Variants in MYH13 observed in about 807,000 individuals in gnomAD.
MYH13 encodes the protein myosin-13.
A neutral mutation model predicts 232.1 loss-of-function variants in MYH13; 177 were observed. The ratio of observed to expected loss-of-function variants is 0.76; its 90% confidence interval spans 0.67 to 0.86. The LOEUF (loss-of-function observed/expected upper bound fraction) is 0.86, where lower values mean the gene tolerates loss of function less well. Among genes scored for constraint, MYH13 ranks in the 40% least tolerant of loss-of-function variants. MYH13 has a pLI of 0.00. For synonymous variants in MYH13, 884 were observed against 923.5 expected (o/e 0.96, Z 0.78); for missense variants, 2,246 against 2,405.9 (o/e 0.93, Z 1.39).
chr17:10,303,452 G>A lies in MYH13; in HGVS notation c.5513C>T (p.Ala1838Val), dbSNP rs770281302. 1.7e-5 allele frequency: 28 copies of A among 1,613,850 alleles called. No individual in the cohort carries two copies. Among genetic ancestry groups the A allele is most frequent in the Non-Finnish European group, 2.2e-5 (26 of 1,179,900 alleles). Residue 1838 changes from alanine to valine, a missense_variant, in exon 38 of 41, where the codon GCT (alanine) becomes GTT (valine). Transcript: ENST00000252172. ...NELDVEQKRG[A>V]EALKGAHKYE... ...CTTGTGGGCTCCCTTCAGGGCTTCA[G>A]CTCCCCTCTTCTGTTCCACATCAAG...
At chr17:10,361,875 C>T (rs917530058) in intron 5 of MYH13, among the ~76,000 whole-genome samples, 3 of 152,196 alleles carry the variant, frequency 2.0e-5, no homozygotes, top group Non-Finnish European at 4.4e-5. Context: ...AGGGCATCTC[C>T]TTGTGTTCCA....
At chr17:10,309,012 G>C (rs1324835856) in intron 35 of MYH13, among the ~76,000 whole-genome samples, 2 of 152,266 alleles carry the variant, frequency 1.3e-5, no homozygotes, top group Non-Finnish European at 2.9e-5. Context: ...GATGTTTAAT[G>C]TTTGGATGAG....
Position 10,306,863 on chromosome 17 carries a change from C to T in MYH13, c.5295+76G>A. 6.2e-7 allele frequency: 1 copy of T among 1,600,516 alleles called. No homozygotes were observed. On this transcript the variant is annotated intron_variant, in intron 36 of 40. Transcript: ENST00000252172. The surrounding 1 kb of genome is among the most constrained non-coding windows in gnomAD (Gnocchi z 4.3). Reference sequence around the variant, plus strand: ...TTGTTGTCATAAGAGATGAAACATACTTGCCACACCCTGGCTCAGAGGCCC... The same window carrying T: ...TTGTTGTCATAAGAGATGAAACATATTTGCCACACCCTGGCTCAGAGGCCC...
intron 18 of MYH13, 90 bp from the exon 19 acceptor site, chr17:10,333,281 C>A: frequency 1.1e-6 from 1 of 887,238 alleles, no homozygotes; most frequent in Non-Finnish European, 1.8e-6. Flanking sequence ...AACACATCCA[C>A]ACTTGAGTGG....
Position 10,330,498 on chromosome 17 carries a change from C to T in MYH13, c.2324G>A (p.Gly775Glu), listed in dbSNP as rs371320221. 1.2e-6 allele frequency: 2 copies of T among 1,611,078 alleles called. No individual in the cohort carries two copies. Among genetic ancestry groups the T allele is most frequent in the Non-Finnish European group, 1.7e-6 (2 of 1,179,256 alleles). The change falls in exon 21 of 41, where the codon GGA (glycine) becomes GAA (glutamate). Residue 775 changes from glycine (G) to glutamate (E), a missense_variant. Transcript: ENST00000252172. ...TKVFFKAGLL[G>E]LLEEMRDEKL... ...CTCATCTCTCATCTCCTCCAAAAGT[C>T]CCAGGAGCCCAGCTTTGAAAAACAC...
intron 18 of MYH13, among the ~76,000 whole-genome samples, chr17:10,335,605 G>T (rs10083868): frequency 0.24 from 35,970 of 151,836 alleles, 4,791 homozygotes; most frequent in East Asian, 0.51. Flanking sequence ...ATATGAAAAC[G>T]TAGCTGGGTG....
intron 5 of MYH13, 119 bp downstream of exon 5, chr17:10,361,999 C>T (rs1482551478): frequency 1.2e-5 from 19 of 1,582,984 alleles, no homozygotes; most frequent in South Asian, 5.7e-5. Flanking sequence ...ATCCCCAAAT[C>T]ATCTGACTCT....
intron 2 of MYH13, among the ~76,000 whole-genome samples, chr17:10,365,840 G>GGTGTGTGT (rs150455118): frequency 3.0e-4 from 42 of 140,282 alleles, no homozygotes; most frequent in Non-Finnish European, 4.5e-4. Context: ...CTTGCTGCAT[G>GGTGTGTGT]GTGTGTGTGT....
At chr17:10,313,474 G>T in intron 29 of MYH13, 120 bp from the exon 30 acceptor site, 1 of 1,467,372 alleles carries the variant, frequency 6.8e-7, no homozygotes, top group Non-Finnish European at 9.2e-7. Flanking sequence ...CACCAATTTT[G>T]CCATATCAGC....
intron 23 of MYH13, 111 bp from the exon 24 acceptor site, chr17:10,321,819 C>T (rs1298482397): frequency 1.0e-6 from 1 of 1,001,800 alleles, no homozygotes; most frequent in Non-Finnish European, 1.4e-6. Flanking sequence ...TTCTTTTTGG[C>T]TACTACTTTT....
intron 23 of MYH13, among the ~76,000 whole-genome samples, chr17:10,322,603 A>G (rs1164777711): frequency 6.6e-6 from 1 of 150,886 alleles, no homozygotes; most frequent in Non-Finnish European, 1.5e-5. Flanking sequence ...AGTGGTTTAC[A>G]ATGTTATCAT....
chr17:10,351,657 G>T (rs767261025), intron 11 of MYH13, among the ~76,000 whole-genome samples: 1 of 152,180 alleles, frequency 6.6e-6, no homozygotes, highest in East Asian at 1.9e-4. Flanking sequence ...CTGTCATACA[G>T]GGAGGGTGTG....
chr17:10,302,684 A>G (rs1906135547), intron 39 of MYH13, among the ~76,000 whole-genome samples: 1 of 152,038 alleles, frequency 6.6e-6, no homozygotes, highest in Non-Finnish European at 1.5e-5. Flanking sequence ...TTTCTTTCCT[A>G]TTGATTTCAC....
chr17:10,316,116 T>G, intron 27 of MYH13, 91 bp from the exon 28 acceptor site: 2 of 1,436,864 alleles, frequency 1.4e-6, no homozygotes, highest in Non-Finnish European at 9.4e-7. Context: ...TAGTTTCTTG[T>G]CAGGTAAAAT....
chr17:10,364,312 G>C lies in MYH13; in HGVS notation c.204+15C>G, dbSNP rs1567673887. ...CATGCCCATATTATCAAAGACATCT[G>C]TAATCAACACTCACCCGGTCATCGA... On this transcript the variant is annotated intron_variant, in intron 3 of 40. Transcript: ENST00000252172. The C allele has an allele frequency of 3.1e-6, 5 of 1,606,964 alleles. No homozygotes were observed. Among genetic ancestry groups the C allele is most frequent in the Non-Finnish European group, 4.3e-6 (5 of 1,174,186 alleles).
intron 11 of MYH13, among the ~76,000 whole-genome samples, chr17:10,351,764 G>T (rs1165851808): frequency 1.3e-5 from 2 of 152,120 alleles, no homozygotes; most frequent in African/African-American, 4.8e-5. Flanking sequence ...CCACCACAAA[G>T]GTTTCAACAA....
In MYH13 at chr17:10,311,225, C is replaced by G; in HGVS notation, c.4534G>C (p.Glu1512Gln). The G allele has an allele frequency of 6.2e-7, 1 of 1,613,998 alleles. No individual in the cohort carries two copies. Among genetic ancestry groups the G allele is most frequent in the Non-Finnish European group, 8.5e-7 (1 of 1,179,902 alleles). The part of the protein sequence containing the change: ...LRRENKNLQE[E>Q]ISDLTEQIAE... ...ATCTGCTCAGTTAAGTCGGAAATCT[C>G]TTCTGCAAAGGACAGGCTTGATTTA... The change falls in exon 33 of 41, where the codon GAG becomes CAG. Residue 1512 changes from glutamate (E) to glutamine (Q), a missense_variant and splice_region_variant. By Grantham distance (29) the Glu-to-Gln change is conservative (BLOSUM62 2). Coordinates refer to ENST00000252172, the MANE Select transcript of MYH13 (RefSeq NM_003802.3).
In MYH13 at chr17:10,345,453, A is replaced by G; in HGVS notation, c.1413+14T>C. On this transcript the variant is annotated intron_variant, in intron 14 of 40. Coordinates refer to ENST00000252172, the MANE Select transcript of MYH13 (RefSeq NM_003802.3). Reference sequence around the variant, plus strand: ...TCAGCAAAGCAGACAAGAAAGTAGAAGGTCACAACTCACATCAAAGATCTC... The same window carrying G: ...TCAGCAAAGCAGACAAGAAAGTAGAGGGTCACAACTCACATCAAAGATCTC... 6.2e-7 allele frequency: 1 copy of G among 1,614,234 alleles called. No homozygotes were observed. The highest frequency in any genetic ancestry group is 8.5e-7 in the Non-Finnish European group (1 of 1,180,040).
intron 27 of MYH13, among the ~76,000 whole-genome samples, chr17:10,317,241 G>C (rs1314834144): frequency 6.6e-6 from 1 of 152,154 alleles, no homozygotes; most frequent in Non-Finnish European, 1.5e-5. Flanking sequence ...AGAGAGAGGT[G>C]TGGGAGGGGA....
Sources: gnomAD v4.1 joint callset for allele counts (sites outside exome capture counted in the v4.1 genomes callset) on GRCh38, gnomAD v4.1.1 for gene constraint, Gnocchi (gnomAD v3.1) non-coding constraint, MANE v1.5 for transcripts, NCBI Gene and HGNC (gene_info 2026-07-23, HGNC 2026-07-21) for gene names.